The following GMEB1 variants were observed in gnomAD, a reference collection of about 807,000 sequenced individuals.
GMEB1 encodes glucocorticoid modulatory element binding protein 1, also known as glucocorticoid modulatory element-binding protein 1.
A neutral mutation model predicts 52.4 loss-of-function variants in GMEB1; 6 were observed. That is an observed-to-expected ratio of 0.11 (90% CI 0.06 to 0.23). The LOEUF (loss-of-function observed/expected upper bound fraction) is 0.23. Among genes scored for constraint, GMEB1 ranks in the 10% least tolerant of loss-of-function variants. The pLI is 1.00. For missense variants in GMEB1, 486 were observed against 685.6 expected (o/e 0.71, Z 3.25); for synonymous variants, 255 against 244.9 (o/e 1.04, Z -0.38).
At chr1:28,671,245 T>G (rs1351399277) in intron 1 of GMEB1, among the ~76,000 whole-genome samples, 1 of 152,152 alleles carries the variant, frequency 6.6e-6, no homozygotes, top group African/African-American at 2.4e-5. Flanking sequence ...TAAACAAAAC[T>G]GTAGTTTAGA....
chr1:28,707,421 C>T (rs943387927), intron 8 of GMEB1, among the ~76,000 whole-genome samples: 1 of 151,858 alleles, frequency 6.6e-6, no homozygotes, highest in African/African-American at 2.4e-5. Flanking sequence ...AGGAATTAGT[C>T]CAAGCAAGAG....
At chr1:28,686,333 C>A (rs1024165622) in intron 2 of GMEB1, among the ~76,000 whole-genome samples, 1 of 151,412 alleles carries the variant, frequency 6.6e-6, no homozygotes, top group African/African-American at 2.4e-5. Flanking sequence ...AGAGTAAGAC[C>A]GTGTGTCAAA....
At chr1:28,670,134 A>G (rs1408081718) in intron 1 of GMEB1, among the ~76,000 whole-genome samples, 1 of 140,244 alleles carries the variant, frequency 7.1e-6, no homozygotes, top group East Asian at 2.8e-4. Context: ...ATAGTTACCA[A>G]AGTGCATTTG....
chr1:28,679,323 G>A (rs895599613), intron 1 of GMEB1, among the ~76,000 whole-genome samples: 5 of 151,798 alleles, frequency 3.3e-5, no homozygotes, highest in Admixed American at 6.6e-5. Flanking sequence ...GATTACAGGC[G>A]CCCACCAACA....
chr1:28,675,679 CAAAA>C (rs11316891), intron 1 of GMEB1, among the ~76,000 whole-genome samples: 2 of 100,160 alleles, frequency 2.0e-5, no homozygotes, highest in Non-Finnish European at 2.0e-5. Context: ...GACTCTGTCT[CAAAA>C]AAAAAAAAAA....
At chr1:28,673,817 C>G (rs1669011206) in intron 1 of GMEB1, among the ~76,000 whole-genome samples, 1 of 151,800 alleles carries the variant, frequency 6.6e-6, no homozygotes, top group Non-Finnish European at 1.5e-5. Context: ...AGTTTGACAC[C>G]AGGCTAGGCA....
intron 8 of GMEB1, 65 bp from the exon 9 acceptor site, chr1:28,710,455 G>T: frequency 4.6e-6 from 6 of 1,315,818 alleles, no homozygotes; most frequent in Non-Finnish European, 6.1e-6. Context: ...TTTATAAACA[G>T]CACAATGGAG....
intron 9 of GMEB1, among the ~76,000 whole-genome samples, chr1:28,711,627 G>T (rs184892860): frequency 2.2e-3 from 330 of 152,060 alleles, no homozygotes; most frequent in African/African-American, 7.5e-3. Context: ...CAGCTGTTTT[G>T]TATTTTTGGT....
intron 2 of GMEB1, among the ~76,000 whole-genome samples, chr1:28,684,817 A>G (rs1669564066): frequency 6.6e-6 from 1 of 152,138 alleles, no homozygotes; most frequent in South Asian, 2.1e-4. Context: ...ACATATACCC[A>G]TGTAACAAAT....
In GMEB1 at chr1:28,714,880, A is replaced by T; in HGVS notation, c.*107A>T. The T allele has an allele frequency of 1.3e-6, 1 of 782,802 alleles. No individual in the cohort carries two copies. The highest frequency in any genetic ancestry group is 2.0e-6 in the Non-Finnish European group (1 of 502,174). The allele number at this position is 782,802 out of a possible 1,614,324, so 48.5% of individuals were successfully genotyped here. A position where few individuals can be genotyped will look rare whatever the true frequency, so the allele number is the denominator to read the frequency against. ...CCACATAGGACCCTTTTTTAAAAAA[A>T]AAAAAACAAAATCTTATTGTTGTAA... On this transcript the variant is annotated 3_prime_UTR_variant, in exon 10 of 10. Transcript: ENST00000373816.
At chr1:28,712,700 T>C (rs966126215) in intron 9 of GMEB1, among the ~76,000 whole-genome samples, 1 of 151,984 alleles carries the variant, frequency 6.6e-6, no homozygotes, top group Non-Finnish European at 1.5e-5. Flanking sequence ...ATGCCTGTAG[T>C]CCCATCTACT....
At chr1:28,678,986 C>T (rs534877586) in intron 1 of GMEB1, among the ~76,000 whole-genome samples, 2 of 152,318 alleles carry the variant, frequency 1.3e-5, no homozygotes, top group Admixed American at 6.5e-5. Flanking sequence ...TCTTGGCCCA[C>T]TGTAACCTCT....
chr1:28,670,163 T>TTATTTATTTATG (rs1668817996), intron 1 of GMEB1, among the ~76,000 whole-genome samples: 2 of 152,168 alleles, frequency 1.3e-5, no homozygotes, highest in Non-Finnish European at 2.9e-5. Context: ...TTTTATTTAT[T>TTATTTATTTATG]TATTTATTTA....
intron 8 of GMEB1, among the ~76,000 whole-genome samples, chr1:28,710,295 A>G (rs1051370774): frequency 1.3e-5 from 2 of 152,226 alleles, no homozygotes; most frequent in Admixed American, 6.5e-5. Flanking sequence ...ATGTGCCACC[A>G]TGCCCAGCCT....
chr1:28,695,100 G>T (rs1670139519), intron 5 of GMEB1, among the ~76,000 whole-genome samples: 1 of 151,190 alleles, frequency 6.6e-6, no homozygotes, highest in South Asian at 2.1e-4. Flanking sequence ...GATTAGCTGA[G>T]ATTACAGGTG....
At chr1:28,668,254 A>G (rs950692406), upstream of GMEB1, among the ~76,000 whole-genome samples, 2 of 152,000 alleles carry the variant, frequency 1.3e-5, no homozygotes, top group Non-Finnish European at 2.9e-5. Context: ...AGGGGAGTCA[A>G]GACTTCAACC....
intron 8 of GMEB1, among the ~76,000 whole-genome samples, chr1:28,709,133 C>CAAA (rs33947165): frequency 2.5e-5 from 3 of 120,630 alleles, no homozygotes; most frequent in African/African-American, 6.3e-5. Context: ...GACTCCATCT[C>CAAA]AAAAAAAAAA....
chr1:28,710,423 C>T, intron 8 of GMEB1, 97 bp from the exon 9 acceptor site: 1 of 858,022 alleles, frequency 1.2e-6, no homozygotes, highest in Non-Finnish European at 1.7e-6. Flanking sequence ...AGGAGAGTCC[C>T]ATAATTTCTG....
intron 5 of GMEB1, among the ~76,000 whole-genome samples, chr1:28,694,961 CTTT>C (rs556692778): frequency 5.7e-5 from 6 of 105,492 alleles, no homozygotes; most frequent in African/African-American, 3.9e-5. Context: ...CGTGGCCAGC[CTTT>C]TTTTTTTTTT....
Sources: allele counts gnomAD v4.1 joint callset (sites outside exome capture counted in the v4.1 genomes callset), GRCh38; gene constraint gnomAD v4.1.1; transcripts MANE v1.5; gene names NCBI Gene and HGNC (gene_info 2026-07-23, HGNC 2026-07-21).